RABGEF1: variants seen among roughly 807,000 people sequenced by gnomAD.
RABGEF1 encodes the protein rab5 GDP/GTP exchange factor.
RABGEF1 carries 26 observed loss-of-function variants against 57.3 expected under a neutral mutation model. The observed-to-expected ratio is 0.45, with a 90% CI of 0.33 to 0.63. RABGEF1 has a LOEUF of 0.63. Ranked by LOEUF, RABGEF1 falls within the 20% of genes least tolerant of loss-of-function variation. The probability of loss-of-function intolerance (pLI) is 0.02; values close to 1 mark genes in which losing one functional copy is unlikely to be tolerated. For missense variants in RABGEF1, 464 were observed against 607.6 expected, an observed-to-expected ratio of 0.76 and a Z score of 2.48; for synonymous variants, 185 against 210.7, an observed-to-expected ratio of 0.88 and a Z score of 1.06.
chr7:66,688,818 G>A (rs971942429), intron 1 of RABGEF1, among the ~76,000 whole-genome samples: 1 of 152,312 alleles, frequency 6.6e-6, no homozygotes, highest in East Asian at 1.9e-4. Context: ...AGAAAGCCAG[G>A]AGTGGTGGCT....
chr7:66,659,451 CAAAAAAA>C, the RABGEF1 span, among the ~76,000 whole-genome samples: 1 of 114,952 alleles, frequency 8.7e-6, no homozygotes, highest in Non-Finnish European at 1.8e-5. Context: ...GACTCCATCT[CAAAAAAA>C]AAAAAAGAAA....
chr7:66,727,852 G>C (rs1461434394), intron 2 of RABGEF1, among the ~76,000 whole-genome samples: 1 of 152,192 alleles, frequency 6.6e-6, no homozygotes, highest in Non-Finnish European at 1.5e-5. Context: ...AGCCAGAGGT[G>C]GTGGGATTCC....
rs149057974 is a variant in RABGEF1 at position 66,790,324 on chromosome 7, C to T, written c.514-5187C>T. Among the ~76,000 whole-genome samples, 31 of 152,328 alleles carry T rather than the reference C, an allele frequency of 2.0e-4. No homozygotes were observed. In the East Asian group the frequency reaches 5.4e-3, roughly 27 times the overall value. On this transcript the variant is annotated intron_variant, in intron 4 of 8. Transcript: ENST00000284957. ...GTCAGAGCCAAGTTCCACCCTTATGCGCATGAGGTCTTTTTTTCGTCTTTC... is the reference window on the plus strand; with the variant it reads ...GTCAGAGCCAAGTTCCACCCTTATGTGCATGAGGTCTTTTTTTCGTCTTTC...
intron 4 of RABGEF1, among the ~76,000 whole-genome samples, chr7:66,793,048 G>A (rs1415559116): frequency 6.6e-6 from 1 of 152,112 alleles, no homozygotes; most frequent in South Asian, 2.1e-4. Context: ...AAAATTACAG[G>A]GGTTGTGCTG....
chr7:66,729,776 G>A (rs1468985569), intron 2 of RABGEF1, among the ~76,000 whole-genome samples: 1 of 152,242 alleles, frequency 6.6e-6, no homozygotes, highest in Non-Finnish European at 1.5e-5. Context: ...ATGATGGATG[G>A]ATGTGGCCAG....
At chr7:66,655,376 T>C in the RABGEF1 span, among the ~76,000 whole-genome samples, 5 of 152,154 alleles carry the variant, frequency 3.3e-5, no homozygotes, top group Non-Finnish European at 7.4e-5. Flanking sequence ...GGGTGACCAG[T>C]CCTTGCGGTT....
upstream of RABGEF1, chr7:66,739,916 T>C (rs1308226010): frequency 6.6e-6 from 1 of 152,244 alleles, no homozygotes; most frequent in Non-Finnish European, 1.5e-5. Context: ...GGATTCAATT[T>C]GTGACTCAAC....
At chr7:66,674,193 T>C in the RABGEF1 span, among the ~76,000 whole-genome samples, 73,756 of 138,402 alleles carry the variant, frequency 0.53, 19,116 homozygotes, top group African/African-American at 0.67. Context: ...CACTAAAGGC[T>C]TTTTTTTTTT....
chr7:66,788,573 A>G (rs545856711), intron 4 of RABGEF1, among the ~76,000 whole-genome samples: 4 of 152,282 alleles, frequency 2.6e-5, no homozygotes, highest in Admixed American at 1.3e-4. Flanking sequence ...TTCAGTTTCT[A>G]AAAGACTTCT....
chr7:66,658,315 C>A, the RABGEF1 span, among the ~76,000 whole-genome samples: 1 of 151,974 alleles, frequency 6.6e-6, no homozygotes, highest in Non-Finnish European at 1.5e-5. Context: ...GGCGGATCAC[C>A]TGAGATCAGG....
chr7:66,756,866 T>G (rs1802844720), intron 1 of RABGEF1, among the ~76,000 whole-genome samples: 1 of 152,208 alleles, frequency 6.6e-6, no homozygotes, highest in African/African-American at 2.4e-5. Flanking sequence ...CCCCTTCCCC[T>G]CCTTCTTCTA....
chr7:66,758,874 T>C (rs937226554), intron 1 of RABGEF1, among the ~76,000 whole-genome samples: 3 of 152,246 alleles, frequency 2.0e-5, no homozygotes, highest in African/African-American at 7.2e-5. Context: ...AACGTTCATG[T>C]GTGATTTTTA....
upstream of RABGEF1, among the ~76,000 whole-genome samples, chr7:66,677,335 A>G (rs545969659): frequency 6.6e-6 from 1 of 152,290 alleles, no homozygotes; most frequent in East Asian, 1.9e-4. Context: ...AAGGCCGGAA[A>G]CAAAGGTAGG....
intron 2 of RABGEF1, among the ~76,000 whole-genome samples, chr7:66,718,600 A>G (rs1302165479): frequency 6.6e-6 from 1 of 152,176 alleles, no homozygotes; most frequent in African/African-American, 2.4e-5. Context: ...GGTTAGGTTC[A>G]AGCTGCAACT....
At chr7:66,778,778 G>T (rs1440070844) in intron 3 of RABGEF1, among the ~76,000 whole-genome samples, 1 of 152,114 alleles carries the variant, frequency 6.6e-6, no homozygotes, top group East Asian at 1.9e-4. Flanking sequence ...GCTTGGAGGG[G>T]TTTCCACTGG....
upstream of RABGEF1, among the ~76,000 whole-genome samples, chr7:66,678,577 A>G (rs1789468259): frequency 6.6e-6 from 1 of 150,518 alleles, no homozygotes; most frequent in South Asian, 2.1e-4. Flanking sequence ...AAAAAAAAAA[A>G]AAAAAAAGAA....
intron 1 of RABGEF1, among the ~76,000 whole-genome samples, chr7:66,763,418 C>G (rs1212586019): frequency 6.6e-6 from 1 of 152,198 alleles, no homozygotes; most frequent in Non-Finnish European, 1.5e-5. Context: ...AGAAGCCACT[C>G]AAATTTCTTG....
At chr7:66,760,864 A>G (rs1433993182) in intron 1 of RABGEF1, among the ~76,000 whole-genome samples, 2 of 151,738 alleles carry the variant, frequency 1.3e-5, no homozygotes, top group African/African-American at 4.8e-5. Context: ...CTTGACTTTG[A>G]GCCATCCTCC....
intron 1 of RABGEF1, chr7:66,748,926 A>G: frequency 4.1e-6 from 1 of 241,940 alleles, no homozygotes; most frequent in East Asian, 1.0e-4. Context: ...GGCACTCTCC[A>G]AAAACTGTTT....
Sources: allele counts gnomAD v4.1 joint callset (sites outside exome capture counted in the v4.1 genomes callset), GRCh38; gene constraint gnomAD v4.1.1; transcripts MANE v1.5; gene names NCBI Gene and HGNC (gene_info 2026-07-23, HGNC 2026-07-21).